Variants in MCTP2 observed in about 807,000 individuals in gnomAD.
MCTP2 encodes the protein multiple C2 and transmembrane domain-containing protein 2.
MCTP2 carries 132 observed loss-of-function variants against 111.6 expected under a neutral mutation model. The observed-to-expected ratio is 1.18, with a 90% CI of 1.03 to 1.37. The LOEUF (loss-of-function observed/expected upper bound fraction) is 1.37. Ranked by LOEUF, MCTP2 falls within the 40% of genes most tolerant of loss-of-function variation. MCTP2 has a pLI of 0.00. For missense variants in MCTP2, 1,183 were observed against 1,067.9 expected (o/e 1.11, Z -1.50); for synonymous variants, 395 against 387.7 (o/e 1.02, Z -0.22).
chr15:94,370,116 A>G lies in MCTP2; in HGVS notation c.1518A>G (p.Lys506=), dbSNP rs2079406474. The change falls in exon 12 of 23, where the codon AAA becomes AAG. Residue 506 remains lysine (K), a synonymous_variant. Transcript: ENST00000357742. ...TACAGAACTCCCTGAAAGATGTGAA[A>G]GACGTCGGCATTCTACAAGTGAAGG... ...YCLQNSLKDV[K]DVGILQVKVL... The G allele has an allele frequency of 6.2e-7, 1 of 1,613,018 alleles. No homozygotes were observed. Among genetic ancestry groups the G allele is most frequent in the East Asian group, 2.2e-5 (1 of 44,786 alleles).
chr15:94,475,217 C>T (rs944160223), intron 21 of MCTP2, among the ~76,000 whole-genome samples: 2 of 152,000 alleles, frequency 1.3e-5, no homozygotes, highest in African/African-American at 2.4e-5. Context: ...TAGCTAGAAA[C>T]GTGAAGCTTG....
rs536299475 is a variant in MCTP2, at chr15:94,399,773, G to A, written c.1891-148G>A. ...ATGAGACCTCCAGAAACATGTACAG[G>A]GCACAGGGGTGTCCACCATTTCTTT... is the stretch of plus-strand genomic sequence containing the variant. On this transcript the variant is annotated intron_variant, in intron 15 of 22. Coordinates refer to ENST00000357742, the MANE Select transcript of MCTP2 (RefSeq NM_001385001.1). The A allele has an allele frequency of 1.1e-4, 75 of 667,248 alleles. No individual in the cohort carries two copies. In the African/African-American group the frequency reaches 1.2e-3, roughly 11 times the overall value. 41.3% of individuals were successfully genotyped at this position (667,248 alleles called of 1,614,324 possible). A position where few individuals can be genotyped will look rare whatever the true frequency, so the allele number is the denominator to read the frequency against.
chr15:94,275,249 G>T (rs2074130165), intron 1 of MCTP2, among the ~76,000 whole-genome samples: 1 of 151,946 alleles, frequency 6.6e-6, no homozygotes. Flanking sequence ...ACAACTGAAG[G>T]GTGCCCCTTA....
At position 94,481,333 on chromosome 15, in the gene MCTP2, G is replaced by A. The variant is rs1335042241; in HGVS notation, c.*2299G>A. On this transcript the variant is annotated 3_prime_UTR_variant, in exon 23 of 23. Transcript: ENST00000357742. Reference sequence around the variant, plus strand: ...CCAGCTTCCTTATTTCCCTTACCAGGACTGGCATTTTCTGGGCTTGGAATT... The same window carrying A: ...CCAGCTTCCTTATTTCCCTTACCAGAACTGGCATTTTCTGGGCTTGGAATT... 1.3e-5 allele frequency: 2 copies of A among 152,042 alleles called. No homozygotes were observed. Among genetic ancestry groups the A allele is most frequent in the African/African-American group, 4.8e-5 (2 of 41,360 alleles). The allele number at this position is 152,042 out of a possible 1,614,324, so 9.4% of individuals were successfully genotyped here.
At chr15:94,424,672 A>G (rs1477340510) in intron 17 of MCTP2, among the ~76,000 whole-genome samples, 1 of 152,166 alleles carries the variant, frequency 6.6e-6, no homozygotes, top group Non-Finnish European at 1.5e-5. Flanking sequence ...TGATTATTGA[A>G]CCATCAGCAT....
At chr15:94,351,075 A>G (rs1469527826) in intron 8 of MCTP2, among the ~76,000 whole-genome samples, 1 of 152,196 alleles carries the variant, frequency 6.6e-6, no homozygotes, top group African/African-American at 2.4e-5. Flanking sequence ...CAAAGCTTTT[A>G]TAGCTAATGT....
chr15:94,304,357 G>A (rs577953723), intron 2 of MCTP2, among the ~76,000 whole-genome samples: 18 of 152,314 alleles, frequency 1.2e-4, no homozygotes, highest in Non-Finnish European at 7.3e-5. Context: ...CGTGAGAATC[G>A]CTTGAACCCA....
chr15:94,479,516 C>T lies in MCTP2; in HGVS notation c.*482C>T, dbSNP rs552970210. ...AGTTAACAAGTCTTTGGTAGTCATC[C>T]TCTGTCCAAATATTGTATATTATTA... On this transcript the variant is annotated 3_prime_UTR_variant, in exon 23 of 23. Coordinates refer to ENST00000357742, the MANE Select transcript of MCTP2 (RefSeq NM_001385001.1). 6 of 160,586 alleles carry T rather than the reference C, an allele frequency of 3.7e-5. No homozygotes were observed. The highest frequency in any genetic ancestry group is 1.8e-4 in the East Asian group (1 of 5,648). The allele number at this position is 160,586 out of a possible 1,614,324, so 9.9% of individuals were successfully genotyped here.
chr15:94,459,723 CCTCA>C (rs1567753624), intron 20 of MCTP2, among the ~76,000 whole-genome samples: 2 of 152,220 alleles, frequency 1.3e-5, no homozygotes, highest in East Asian at 1.9e-4. Flanking sequence ...TTATTCATTT[CCTCA>C]CTCAACTATC....
chr15:94,345,836 A>G (rs1418187003), intron 8 of MCTP2, among the ~76,000 whole-genome samples: 1 of 152,234 alleles, frequency 6.6e-6, no homozygotes, highest in African/African-American at 2.4e-5. Flanking sequence ...TTAAGGAGAA[A>G]TTATACTTTG....
At position 94,457,765 on chromosome 15, in the gene MCTP2, G is replaced by A. The variant is rs367678125; in HGVS notation, c.2251-372G>A. ...TCTGAAGAACACTGATAGGAGAGGA[G>A]TAGGGTGAGCTTCAGAAAACCTGTG... On this transcript the variant is annotated intron_variant, in intron 19 of 22. Coordinates refer to ENST00000357742, the MANE Select transcript of MCTP2 (RefSeq NM_001385001.1). 2.8e-4 allele frequency among the ~76,000 whole-genome samples: 43 copies of A among 152,336 alleles called. 1 individual carries two copies. The East Asian group carries it at 5.0e-3, about 18-fold the overall frequency.
intron 17 of MCTP2, among the ~76,000 whole-genome samples, chr15:94,428,551 A>T (rs1376077158): frequency 2.0e-5 from 3 of 152,028 alleles, no homozygotes; most frequent in African/African-American, 4.8e-5. Flanking sequence ...GCATTTCTGG[A>T]AAATCCTCAG....
chr15:94,332,344 T>G (rs149821246), intron 4 of MCTP2, among the ~76,000 whole-genome samples: 7 of 152,272 alleles, frequency 4.6e-5, no homozygotes, highest in Non-Finnish European at 8.8e-5. Flanking sequence ...CTGATTCTTT[T>G]CCCAACAAAA....
At chr15:94,301,969 T>G (rs143517573) in intron 2 of MCTP2, among the ~76,000 whole-genome samples, 32 of 152,150 alleles carry the variant, frequency 2.1e-4, no homozygotes, top group Middle Eastern at 6.8e-3. Context: ...TTCTATACCT[T>G]GTGTGGAATG....
intron 22 of MCTP2, among the ~76,000 whole-genome samples, chr15:94,477,841 CT>C (rs1305782142): frequency 6.6e-6 from 1 of 152,160 alleles, no homozygotes; most frequent in East Asian, 1.9e-4. Context: ...TGAATTTACT[CT>C]TTAACATTTG....
intron 17 of MCTP2, among the ~76,000 whole-genome samples, chr15:94,403,629 A>G (rs972368541): frequency 4.6e-5 from 7 of 152,246 alleles, no homozygotes; most frequent in African/African-American, 1.4e-4. Context: ...AGATTAGAAC[A>G]GATGAATAGA....
At chr15:94,477,510 G>A (rs1253065826) in intron 22 of MCTP2, among the ~76,000 whole-genome samples, 2 of 152,180 alleles carry the variant, frequency 1.3e-5, no homozygotes, top group Non-Finnish European at 2.9e-5. Context: ...GAGGGCAGGC[G>A]GCAGTTTCTC....
At chr15:94,350,315 C>T (rs982623928) in intron 8 of MCTP2, among the ~76,000 whole-genome samples, 5 of 152,138 alleles carry the variant, frequency 3.3e-5, no homozygotes, top group East Asian at 1.9e-4. Context: ...GGGCTGGGCA[C>T]GGTGGCTCAT....
At chr15:94,313,890 T>A (rs887113210) in intron 2 of MCTP2, among the ~76,000 whole-genome samples, 34 of 152,216 alleles carry the variant, frequency 2.2e-4, no homozygotes, top group African/African-American at 8.0e-4. Flanking sequence ...CATGCTCGAT[T>A]CTCTGGATCC....
Sources: gnomAD v4.1 joint callset for allele counts (sites outside exome capture counted in the v4.1 genomes callset) on GRCh38, gnomAD v4.1.1 for gene constraint, MANE v1.5 for transcripts, NCBI Gene and HGNC (gene_info 2026-07-23, HGNC 2026-07-21) for gene names.